Variants in TM9SF2 observed in about 807,000 individuals in gnomAD.
TM9SF2 encodes transmembrane 9 superfamily member 2.
A neutral mutation model predicts 84.9 loss-of-function variants in TM9SF2; 13 were observed. The ratio of observed to expected loss-of-function variants is 0.15; its 90% CI spans 0.10 to 0.24. The LOEUF (loss-of-function observed/expected upper bound fraction) is 0.24. Ranked by LOEUF, TM9SF2 falls within the 10% of genes least tolerant of loss-of-function variation. TM9SF2 has a pLI of 1.00. For missense variants in TM9SF2, 562 were observed against 818.5 expected (o/e 0.69, Z 3.82); for synonymous variants, 273 against 285.8 (o/e 0.96, Z 0.45).
At chr13:99,557,477 A>G (rs1395763823) in intron 15 of TM9SF2, among the ~76,000 whole-genome samples, 1 of 152,088 alleles carries the variant, frequency 6.6e-6, no homozygotes, top group Non-Finnish European at 1.5e-5. Flanking sequence ...TATCCTTTTC[A>G]CTTTCTTGAT....
chr13:99,528,354 G>T (rs1055227833), intron 3 of TM9SF2, among the ~76,000 whole-genome samples: 1 of 152,198 alleles, frequency 6.6e-6, no homozygotes, highest in Non-Finnish European at 1.5e-5. Flanking sequence ...GATGAATAAG[G>T]GTTGTTTGGA....
chr13:99,520,045 T>C lies in TM9SF2; in HGVS notation c.249T>C (p.Phe83=), dbSNP rs1566564896. The part of the protein sequence containing the change: ...VLPYEYTAFD[F]CQASEGKRPS... Reference sequence around the variant, plus strand: ...AATATTCTTCTCCCAGGTTTGATTTTTGCCAAGCATCAGAAGGAAAGCGCC... The same window carrying C: ...AATATTCTTCTCCCAGGTTTGATTTCTGCCAAGCATCAGAAGGAAAGCGCC... The change falls in exon 3 of 17, where the codon TTT becomes TTC. Residue 83 remains phenylalanine, a synonymous_variant. Transcript: ENST00000376387. The C allele has an allele frequency of 6.2e-7, 1 of 1,612,898 alleles. No individual in the cohort carries two copies. The highest frequency in any genetic ancestry group is 1.3e-5 in the African/African-American group (1 of 74,972).
intron 8 of TM9SF2, 30 bp from the exon 9 acceptor site, chr13:99,541,529 A>T (rs1468811201): frequency 3.3e-6 from 5 of 1,498,386 alleles, no homozygotes; most frequent in Admixed American, 1.7e-5. Flanking sequence ...ATTAAGCTAC[A>T]GATTACTCAT....
chr13:99,541,186 T>C (rs1334356138), intron 8 of TM9SF2, among the ~76,000 whole-genome samples: 1 of 152,264 alleles, frequency 6.6e-6, no homozygotes, highest in Non-Finnish European at 1.5e-5. Flanking sequence ...TTCCTATTGC[T>C]GTCTGATCTT....
chr13:99,556,574 C>CTTTTTTTTTTTTTTTTTCTTTTTTT (rs35868359), intron 15 of TM9SF2, among the ~76,000 whole-genome samples: 2 of 137,082 alleles, frequency 1.5e-5, no homozygotes, highest in Non-Finnish European at 3.1e-5. Flanking sequence ...TACTTCATTC[C>CTTTTTTTTTTTTTTTTTCTTTTTTT]TTTTTTTTTT....
Position 99,562,684 on chromosome 13 carries a change from CT to C in TM9SF2, c.1925-5del. ...AAAGGGGTTTATTTTTATTTTTTCT[CT>C]TATAGGAACAATTGGCTTCTTTGCA... is the stretch of plus-strand genomic sequence containing the variant. On this transcript the variant is annotated splice_polypyrimidine_tract_variant and splice_region_variant and intron_variant, in intron 16 of 16. Transcript: ENST00000376387. 6.2e-7 allele frequency: 1 copy of C among 1,611,140 alleles called. No individual in the cohort carries two copies. The highest frequency in any genetic ancestry group is 8.5e-7 in the Non-Finnish European group (1 of 1,178,992).
intron 7 of TM9SF2, 83 bp from the exon 8 acceptor site, chr13:99,540,625 GGAAGGA>G (rs2046254922): frequency 2.0e-6 from 2 of 1,025,414 alleles, no homozygotes; most frequent in Non-Finnish European, 2.9e-6. Context: ...TTGACTCAAT[GGAAGGA>G]CAAGCTTTGA....
chr13:99,538,556 A>G (rs2046244472), intron 6 of TM9SF2, among the ~76,000 whole-genome samples: 1 of 151,914 alleles, frequency 6.6e-6, no homozygotes, highest in Non-Finnish European at 1.5e-5. Flanking sequence ...ACACTTTGGG[A>G]AGGCCAAGGC....
intron 9 of TM9SF2, among the ~76,000 whole-genome samples, chr13:99,543,143 T>C (rs1384987797): frequency 1.3e-5 from 2 of 152,212 alleles, no homozygotes; most frequent in African/African-American, 4.8e-5. Context: ...TTTACATGGC[T>C]AGTTCCCTTA....
intron 3 of TM9SF2, among the ~76,000 whole-genome samples, chr13:99,525,366 C>T (rs762690994): frequency 3.0e-4 from 45 of 152,014 alleles, no homozygotes; most frequent in Non-Finnish European, 5.6e-4. Context: ...CTTAGCCTCC[C>T]GAGCAGCTGG....
chr13:99,507,288 C>CT (rs1325414656), intron 1 of TM9SF2, among the ~76,000 whole-genome samples: 1 of 152,178 alleles, frequency 6.6e-6, no homozygotes, highest in African/African-American at 2.4e-5. Flanking sequence ...TGCCTTTCCC[C>CT]TGGGGATCCC....
At chr13:99,509,586 T>G (rs539711030) in intron 1 of TM9SF2, among the ~76,000 whole-genome samples, 2 of 152,326 alleles carry the variant, frequency 1.3e-5, no homozygotes, top group South Asian at 4.1e-4. Flanking sequence ...CTCAGCCTCT[T>G]TGAGCCATGG....
intron 12 of TM9SF2, among the ~76,000 whole-genome samples, chr13:99,551,594 A>G (rs2046305819): frequency 6.6e-6 from 1 of 152,258 alleles, no homozygotes. Context: ...TGGGGGAAGT[A>G]CAGTGATTAT....
chr13:99,549,765 TCCTC>T (rs2046298110), intron 12 of TM9SF2, among the ~76,000 whole-genome samples: 2 of 152,076 alleles, frequency 1.3e-5, no homozygotes, highest in Non-Finnish European at 2.9e-5. Flanking sequence ...AAAACCCACT[TCCTC>T]CCAAACCTGC....
intron 12 of TM9SF2, 85 bp downstream of exon 12, chr13:99,549,307 G>T (rs116925864): frequency 9.5e-7 from 1 of 1,048,438 alleles, no homozygotes; most frequent in South Asian, 1.4e-5. Flanking sequence ...TTAATCCTCC[G>T]TGTCTCTAAA....
intron 3 of TM9SF2, among the ~76,000 whole-genome samples, chr13:99,528,042 C>T (rs1228081254): frequency 6.6e-6 from 1 of 152,138 alleles, no homozygotes; most frequent in Non-Finnish European, 1.5e-5. Context: ...ATTATAATCC[C>T]ACGTTTTCCC....
chr13:99,533,381 G>C (rs1206165063), intron 4 of TM9SF2, among the ~76,000 whole-genome samples: 1 of 152,076 alleles, frequency 6.6e-6, no homozygotes, highest in Non-Finnish European at 1.5e-5. Context: ...TATAGAAAAG[G>C]GTGTGTCCCT....
chr13:99,512,097 C>G (rs571788363), intron 1 of TM9SF2, among the ~76,000 whole-genome samples: 78 of 152,318 alleles, frequency 5.1e-4, no homozygotes, highest in Admixed American at 4.6e-3. Context: ...AGCCTAGTTG[C>G]ACTACTTGGA....
chr13:99,551,820 C>A (rs916893656), intron 12 of TM9SF2, among the ~76,000 whole-genome samples: 1 of 152,076 alleles, frequency 6.6e-6, no homozygotes, highest in Non-Finnish European at 1.5e-5. Context: ...GTCAGTAGCC[C>A]GTCACAGAAG....
Sources: gnomAD v4.1 joint callset for allele counts (sites outside exome capture counted in the v4.1 genomes callset) on GRCh38, gnomAD v4.1.1 for gene constraint, MANE v1.5 for transcripts, NCBI Gene and HGNC (gene_info 2026-07-23, HGNC 2026-07-21) for gene names.